The following CCND3 variants were observed in gnomAD, a reference collection of about 807,000 sequenced individuals.
CCND3 encodes the protein G1/S-specific cyclin-D3.
A neutral mutation model predicts 28.7 loss-of-function variants in CCND3; 9 were observed. That is an observed-to-expected ratio of 0.31 (90% CI 0.19 to 0.55). The LOEUF is 0.55. Ranked by LOEUF, CCND3 falls within the 20% of genes least tolerant of loss-of-function variation. CCND3 has a pLI of 0.93. For synonymous variants in CCND3, 164 were observed against 163.9 expected (o/e 1.00, Z 0.00); for missense variants, 315 against 385.8 (o/e 0.82, Z 1.54).
chr6:41,953,482 A>C (rs934333279), intron 1 of CCND3, among the ~76,000 whole-genome samples: 3 of 152,000 alleles, frequency 2.0e-5, no homozygotes, highest in Admixed American at 2.0e-4. Context: ...AGTAAACTGC[A>C]GTAGTAGGTA....
chr6:41,954,715 C>T (rs1776399036), intron 1 of CCND3, among the ~76,000 whole-genome samples: 1 of 152,228 alleles, frequency 6.6e-6, no homozygotes, highest in Non-Finnish European at 1.5e-5. Flanking sequence ...ATTTAATCCA[C>T]ATAATATCAA....
chr6:42,012,466 G>A (rs1471892060), intron 1 of CCND3, among the ~76,000 whole-genome samples: 1 of 147,954 alleles, frequency 6.8e-6, no homozygotes, highest in Non-Finnish European at 1.5e-5. Flanking sequence ...AGCCAGGTGT[G>A]ATGGTATGTG....
At chr6:41,989,751 T>G (rs1261745108) in intron 1 of CCND3, among the ~76,000 whole-genome samples, 2 of 152,202 alleles carry the variant, frequency 1.3e-5, no homozygotes, top group South Asian at 2.1e-4. Context: ...GTATATTCAC[T>G]TTGGAAGACA....
chr6:42,009,123 C>A (rs1053932738), intron 1 of CCND3, among the ~76,000 whole-genome samples: 1 of 152,290 alleles, frequency 6.6e-6, no homozygotes, highest in Non-Finnish European at 1.5e-5. Context: ...GGGGGCTCAA[C>A]TTCCTTGAGT....
At chr6:41,952,814 G>GTGTA (rs1299478504) in intron 1 of CCND3, among the ~76,000 whole-genome samples, 1 of 147,784 alleles carries the variant, frequency 6.8e-6, no homozygotes, top group African/African-American at 2.5e-5. Context: ...GAGTGTGAGT[G>GTGTA]TGTGTGTGTG....
In CCND3 at chr6:41,936,041, G is replaced by A. The variant is rs2127389591; in HGVS notation, c.778C>T (p.Gln260Ter). Reference protein sequence around the residue: ...ALRESLREASQTSSSPAPKAP... With the variant: ...ALRESLREAS ...TTGGGCGCTGGGCTGGAGCTGGTCT[G>A]AGAGGCTTCCCTGAGGCTCTCCCTG... is the stretch of plus-strand genomic sequence containing the variant. The change falls in exon 5 of 5, where the codon CAG becomes TAG. Residue 260 changes from glutamine (Q) to a stop codon, truncating the protein, a stop_gained. Transcript: ENST00000372991. LOFTEE classifies it high-confidence loss of function. This position sits in a 1 kb window ranked among gnomAD's most constrained non-coding sequence, Gnocchi z 4.4. The A allele has an allele frequency of 6.2e-7, 1 of 1,613,372 alleles. No individual in the cohort carries two copies. Among genetic ancestry groups the A allele is most frequent in the Non-Finnish European group, 8.5e-7 (1 of 1,179,600 alleles).
chr6:41,970,832 A>G (rs886098205), intron 1 of CCND3, among the ~76,000 whole-genome samples: 1 of 152,064 alleles, frequency 6.6e-6, no homozygotes, highest in African/African-American at 2.4e-5. Context: ...GAAATCATCT[A>G]TTTGGTTACC....
chr6:41,959,042 C>T (rs189324998), intron 1 of CCND3, among the ~76,000 whole-genome samples: 9 of 152,172 alleles, frequency 5.9e-5, no homozygotes, highest in Admixed American at 6.5e-5. Flanking sequence ...CGGCCGGGCA[C>T]GGTGGCTCAC....
chr6:41,976,962 G>A lies in CCND3; in HGVS notation c.-45-36377C>T, dbSNP rs186003780. Among the ~76,000 whole-genome samples, 457 of 152,284 alleles carry A rather than the reference G, an allele frequency of 3.0e-3. 2 individuals carry two copies. Among genetic ancestry groups the A allele is most frequent in the African/African-American group, 0.011 (442 of 41,560 alleles). On this transcript the variant is annotated intron_variant, in intron 1 of 4. Coordinates refer to the CCND3 transcript ENST00000372988. ...AAACCAGACTGACTCACTGCCAGGA[G>A]TGTATATGCAAAGAACCGTACAACA...
intron 1 of CCND3, among the ~76,000 whole-genome samples, chr6:41,997,092 C>T (rs763522236): frequency 6.6e-5 from 10 of 152,174 alleles, no homozygotes; most frequent in East Asian, 3.8e-4. Flanking sequence ...GCCCACACAA[C>T]GGATGCACAG....
At chr6:41,957,119 T>C (rs555845230) in intron 1 of CCND3, among the ~76,000 whole-genome samples, 2 of 152,340 alleles carry the variant, frequency 1.3e-5, no homozygotes, top group South Asian at 4.1e-4. Flanking sequence ...GAAGGAGTTT[T>C]CCTAGGGGTT....
chr6:42,025,734 C>T (rs1763857730), intron 1 of CCND3, among the ~76,000 whole-genome samples: 1 of 152,186 alleles, frequency 6.6e-6, no homozygotes, highest in Non-Finnish European at 1.5e-5. Flanking sequence ...ACAAGGGTGG[C>T]TCTCTCAGAG....
chr6:41,968,877 C>T (rs913080282), intron 1 of CCND3, among the ~76,000 whole-genome samples: 1 of 152,148 alleles, frequency 6.6e-6, no homozygotes, highest in Non-Finnish European at 1.5e-5. Flanking sequence ...GCGATCTCTG[C>T]TCACTGCAAC....
At chr6:41,940,815 C>T (rs1775980688) in intron 1 of CCND3, 2 of 986,558 alleles carry the variant, frequency 2.0e-6, no homozygotes, top group Admixed American at 1.7e-5. Context: ...AGTGGTAAAG[C>T]CAAGGAGCCC....
intron 1 of CCND3, 120 bp from the exon 2 acceptor site, chr6:41,940,705 T>C (rs1775975199): frequency 1.3e-6 from 1 of 778,948 alleles, no homozygotes; most frequent in Admixed American, 2.0e-5. Context: ...GTAAGCTACT[T>C]AGAGAGACAA....
At chr6:41,979,338 C>T (rs750510168) in intron 1 of CCND3, among the ~76,000 whole-genome samples, 160 of 151,734 alleles carry the variant, frequency 1.1e-3, no homozygotes, top group Admixed American at 3.6e-3. Flanking sequence ...TCGAGACCAT[C>T]CTGGCTAACA....
At position 41,939,661 on chromosome 6, in the gene CCND3, G is replaced by A. The variant is rs1414321229; in HGVS notation, c.414+709C>T. Among the ~76,000 whole-genome samples the A allele has an allele frequency of 6.6e-6, 1 of 152,152 alleles. No individual in the cohort carries two copies. The highest frequency in any genetic ancestry group is 1.5e-5 in the Non-Finnish European group (1 of 68,020). Reference sequence around the variant, plus strand: ...AGGGGGCACCATTATCACATCGGAAGCAGATGCAGCTCACCTCCCTGTCTG... The same window carrying A: ...AGGGGGCACCATTATCACATCGGAAACAGATGCAGCTCACCTCCCTGTCTG... On this transcript the variant is annotated intron_variant, in intron 2 of 4. Coordinates refer to ENST00000372991, the MANE Select transcript of CCND3 (RefSeq NM_001760.5). This position sits in a 1 kb window ranked among gnomAD's most constrained non-coding sequence, Gnocchi z 4.2.
At chr6:42,011,589 A>G (rs2127427928) in intron 1 of CCND3, among the ~76,000 whole-genome samples, 1 of 152,274 alleles carries the variant, frequency 6.6e-6, no homozygotes, top group Non-Finnish European at 1.5e-5. Context: ...ATGGTGTGAG[A>G]TACAAAGGGT....
chr6:41,973,152 G>T (rs955763676), intron 1 of CCND3, among the ~76,000 whole-genome samples: 2 of 152,104 alleles, frequency 1.3e-5, no homozygotes. Flanking sequence ...GTCTCAGCAG[G>T]CAATGACAAA....
Sources: gnomAD v4.1 joint callset for allele counts (sites outside exome capture counted in the v4.1 genomes callset) on GRCh38, gnomAD v4.1.1 for gene constraint, Gnocchi (gnomAD v3.1) non-coding constraint, MANE v1.5 for transcripts, NCBI Gene and HGNC (gene_info 2026-07-23, HGNC 2026-07-21) for gene names.